Variants in FBXW10 observed in about 807,000 individuals in gnomAD.
FBXW10 encodes F-box and WD repeat domain containing 10, also known as F-box/WD repeat-containing protein 10.
Under a neutral mutation model 113.1 loss-of-function variants are expected in FBXW10, and 68 were observed. That is an observed-to-expected ratio of 0.60 (90% CI 0.49 to 0.74). The LOEUF is 0.74. Among genes scored for constraint, FBXW10 ranks in the 30% least tolerant of loss-of-function variants. The pLI, the probability that FBXW10 is intolerant of heterozygous loss-of-function variation, is 0.00. For missense variants in FBXW10, 753 were observed against 1,284.5 expected (o/e 0.59, Z 6.32); for synonymous variants, 289 against 481.6 (o/e 0.60, Z 5.24).
At chr17:18,775,057 C>T in intron 12 of FBXW10, 79 bp from the exon 13 acceptor site, 1 of 883,478 alleles carries the variant, frequency 1.1e-6, no homozygotes. Flanking sequence ...ATTATCAGCC[C>T]CATTATTATT....
intron 9 of FBXW10, among the ~76,000 whole-genome samples, chr17:18,767,692 G>A (rs9914942): frequency 0.015 from 2,252 of 152,224 alleles, 65 homozygotes; most frequent in African/African-American, 0.05. Flanking sequence ...ACAGTGAAAA[G>A]TGGCTGGCTT....
chr17:18,777,733 C>T (rs527545898), intron 13 of FBXW10, among the ~76,000 whole-genome samples: 31 of 151,272 alleles, frequency 2.0e-4, no homozygotes, highest in African/African-American at 5.8e-4. Flanking sequence ...TTAGTAGAGA[C>T]GGGGTTTCAC....
intron 11 of FBXW10, among the ~76,000 whole-genome samples, chr17:18,771,580 A>G (rs2035613620): frequency 1.3e-5 from 2 of 152,084 alleles, no homozygotes; most frequent in African/African-American, 4.8e-5. Context: ...GAGATCCTGG[A>G]GTGACAGCAT....
intron 8 of FBXW10, among the ~76,000 whole-genome samples, chr17:18,766,500 C>T (rs997887665): frequency 6.6e-6 from 1 of 152,176 alleles, no homozygotes; most frequent in African/African-American, 2.4e-5. Context: ...CTCCCTCAAC[C>T]ACCTGTATTC....
chr17:18,768,026 T>TTCCTTTCTTCCTTC (rs2035532886), intron 9 of FBXW10, among the ~76,000 whole-genome samples: 2 of 135,680 alleles, frequency 1.5e-5, no homozygotes, highest in Admixed American at 7.7e-5. Context: ...TTCCTTCCTT[T>TTCCTTTCTTCCTTC]CTTCCTTCCT....
At chr17:18,759,821 T>C (rs1326501421) in intron 7 of FBXW10, among the ~76,000 whole-genome samples, 4 of 152,170 alleles carry the variant, frequency 2.6e-5, no homozygotes, top group African/African-American at 7.2e-5. Flanking sequence ...TTCCCCATGT[T>C]AGCCAGGATG....
intron 5 of FBXW10, among the ~76,000 whole-genome samples, chr17:18,755,071 T>C (rs1287891829): frequency 2.0e-5 from 3 of 151,436 alleles, no homozygotes; most frequent in Non-Finnish European, 1.5e-5. Flanking sequence ...GAGACCAGCC[T>C]GGCCAACGTG....
intron 7 of FBXW10, among the ~76,000 whole-genome samples, chr17:18,760,817 A>G (rs1260061794): frequency 6.6e-6 from 1 of 151,866 alleles, no homozygotes; most frequent in African/African-American, 2.4e-5. Context: ...ATGTAATAAA[A>G]TATCAGTTTA....
chr17:18,770,188 G>C, intron 11 of FBXW10, 103 bp downstream of exon 11: 7 of 1,554,288 alleles, frequency 4.5e-6, no homozygotes, highest in South Asian at 3.4e-5. Flanking sequence ...GTCAGGAGGA[G>C]AGAGTGTGCA....
intron 1 of FBXW10, 141 bp from the exon 2 acceptor site, chr17:18,747,800 A>C: frequency 7.3e-7 from 1 of 1,364,308 alleles, no homozygotes; most frequent in Admixed American, 2.9e-5. Context: ...GGAGGCCCCA[A>C]ATAAAAACAG....
At chr17:18,752,577 G>A (rs1307173636) in intron 5 of FBXW10, among the ~76,000 whole-genome samples, 1 of 152,038 alleles carries the variant, frequency 6.6e-6, no homozygotes, top group Non-Finnish European at 1.5e-5. Context: ...AGCCAGGCAT[G>A]GTGGCAGTGC....
intron 13 of FBXW10, among the ~76,000 whole-genome samples, chr17:18,778,158 C>A (rs1232971125): frequency 1.3e-5 from 2 of 152,124 alleles, no homozygotes; most frequent in African/African-American, 4.8e-5. Flanking sequence ...GAGGCTGAGG[C>A]AGGAGAACGG....
intron 5 of FBXW10, among the ~76,000 whole-genome samples, chr17:18,755,665 A>G (rs1319120564): frequency 6.6e-5 from 10 of 152,160 alleles, no homozygotes. Flanking sequence ...TATACATATG[A>G]CGTTCCGACT....
intron 2 of FBXW10, among the ~76,000 whole-genome samples, chr17:18,749,104 C>A (rs374335912): frequency 1.3e-5 from 2 of 152,140 alleles, no homozygotes; most frequent in Non-Finnish European, 2.9e-5. Context: ...CATTTCCCCC[C>A]CTTTCTTAAG....
intron 1 of FBXW10, among the ~76,000 whole-genome samples, chr17:18,745,852 CAAT>C (rs2035030167): frequency 6.6e-6 from 1 of 152,180 alleles, no homozygotes. Flanking sequence ...GCAGAAGAAA[CAAT>C]AAGGGTGGTG....
At chr17:18,748,923 T>G (rs980630855) in intron 2 of FBXW10, among the ~76,000 whole-genome samples, 1 of 152,182 alleles carries the variant, frequency 6.6e-6, no homozygotes, top group African/African-American at 2.4e-5. Context: ...AAGCAAGACA[T>G]ATACATGAAA....
intron 7 of FBXW10, among the ~76,000 whole-genome samples, chr17:18,760,450 C>T (rs568320340): frequency 2.4e-4 from 36 of 152,390 alleles, no homozygotes; most frequent in African/African-American, 8.7e-4. Flanking sequence ...AGAATACCCT[C>T]TTGCCAGGAC....
chr17:18,749,507 A>T (rs1416394515), intron 2 of FBXW10, among the ~76,000 whole-genome samples: 1 of 152,062 alleles, frequency 6.6e-6, no homozygotes, highest in African/African-American at 2.4e-5. Context: ...AGATCGCGCC[A>T]CTACACTCCA....
intron 7 of FBXW10, among the ~76,000 whole-genome samples, chr17:18,763,995 G>A (rs2035437324): frequency 6.9e-6 from 1 of 144,914 alleles, no homozygotes; most frequent in Non-Finnish European, 1.5e-5. Flanking sequence ...TTTACTGTGG[G>A]GCCTGCCCTG....
Sources: gnomAD v4.1 joint callset for allele counts (sites outside exome capture counted in the v4.1 genomes callset) on GRCh38, gnomAD v4.1.1 for gene constraint, MANE v1.5 for transcripts, NCBI Gene and HGNC (gene_info 2026-07-23, HGNC 2026-07-21) for gene names.